SNRNP48: variants seen among roughly 807,000 people sequenced by gnomAD.
SNRNP48 encodes the protein small nuclear ribonucleoprotein U11/U12 subunit 48.
SNRNP48 carries 43 observed loss-of-function variants against 47.0 expected under a neutral mutation model. The ratio of observed to expected loss-of-function variants is 0.92; its 90% CI spans 0.72 to 1.18. The LOEUF is 1.18. Ranked by LOEUF, SNRNP48 falls within the 50% of genes most tolerant of loss-of-function variation. The pLI, the probability that SNRNP48 is intolerant of heterozygous loss-of-function variation, is 0.00. For synonymous variants in SNRNP48, 138 were observed against 144.0 expected, an observed-to-expected ratio of 0.96 and a Z score of 0.30; for missense variants, 396 against 422.2, an observed-to-expected ratio of 0.94 and a Z score of 0.54.
intron 6 of SNRNP48, among the ~76,000 whole-genome samples, chr6:7,604,569 C>T (rs984862752): frequency 6.6e-6 from 1 of 152,170 alleles, no homozygotes; most frequent in Admixed American, 6.5e-5. Flanking sequence ...GAAATGCAGT[C>T]AGGCCTGAAT....
At chr6:7,603,350 G>T (rs1760066319) in intron 6 of SNRNP48, among the ~76,000 whole-genome samples, 1 of 152,068 alleles carries the variant, frequency 6.6e-6, no homozygotes, top group Admixed American at 6.6e-5. Flanking sequence ...TGGCTCGTTA[G>T]AGTTGATGAA....
intron 6 of SNRNP48, among the ~76,000 whole-genome samples, chr6:7,604,552 G>T (rs1581839410): frequency 6.6e-6 from 1 of 152,148 alleles, no homozygotes; most frequent in Non-Finnish European, 1.5e-5. Flanking sequence ...TTTCTTTAAG[G>T]TGGGGAGAAA....
chr6:7,608,741 T>TGTATTACTGTTGAAAGTGGA, intron 8 of SNRNP48, 84 bp from the exon 9 acceptor site: 1 of 686,974 alleles, frequency 1.5e-6, no homozygotes, highest in Non-Finnish European at 2.3e-6. Flanking sequence ...TTGAAAGTGG[T>TGTATTACTGTTGAAAGTGGA]GTATTACTGT....
chr6:7,596,179 T>G (rs945187320), intron 4 of SNRNP48, among the ~76,000 whole-genome samples: 1 of 152,088 alleles, frequency 6.6e-6, no homozygotes, highest in African/African-American at 2.4e-5. Context: ...GCAGGAAGAA[T>G]TGCTTGAACC....
Position 7,611,410 on chromosome 6 carries a change from A to C in SNRNP48, c.*2537A>C, listed in dbSNP as rs1760232065. ...CTCACTATGTTCTCCAGCTGGTCTC[A>C]AGCTCCTGGCCTCGGCCTCCTAAAG... On this transcript the variant is annotated 3_prime_UTR_variant, in exon 9 of 9. Coordinates refer to ENST00000342415, the MANE Select transcript of SNRNP48 (RefSeq NM_152551.4). 1 of 152,166 alleles carries C rather than the reference A, an allele frequency of 6.6e-6. No individual in the cohort carries two copies. Among genetic ancestry groups the C allele is most frequent in the African/African-American group, 2.4e-5 (1 of 41,410 alleles). 9.4% of individuals were successfully genotyped at this position (152,166 alleles called of 1,614,324 possible). A position where few individuals can be genotyped will look rare whatever the true frequency, so the allele number is the denominator to read the frequency against.
chr6:7,594,052 T>C lies in SNRNP48; in HGVS notation c.271-47T>C, dbSNP rs747227726. 8.5e-6 allele frequency: 10 copies of C among 1,173,358 alleles called. No individual in the cohort carries two copies. In the Admixed American group the frequency reaches 2.9e-4, roughly 34 times the overall value. The allele number at this position is 1,173,358 out of a possible 1,614,324, so 72.7% of individuals were successfully genotyped here. A position where few individuals can be genotyped will look rare whatever the true frequency, so the allele number is the denominator to read the frequency against. The stretch of plus-strand genomic sequence containing the variant: ...CTATTGTTTAGGTCAAGTCTTAAAA[T>C]AGTCAATTATCTGATACTTAAGAAC... On this transcript the variant is annotated intron_variant, in intron 2 of 8. Coordinates refer to ENST00000342415, the MANE Select transcript of SNRNP48 (RefSeq NM_152551.4).
chr6:7,595,022 G>A lies in SNRNP48; in HGVS notation c.332-5G>A. 6.6e-7 allele frequency: 1 copy of A among 1,524,462 alleles called. No homozygotes were observed. The allele number at this position is 1,524,462 out of a possible 1,614,324, so 94.4% of individuals were successfully genotyped here. A position where few individuals can be genotyped will look rare whatever the true frequency, so the allele number is the denominator to read the frequency against. On this transcript the variant is annotated splice_region_variant and splice_polypyrimidine_tract_variant and intron_variant, in intron 3 of 8. Transcript: ENST00000342415. ...TGTATTTATGGATTTTTTTTTTTTT[G>A]ACAGATAAGGACTCACAATTCCAGA...
rs1387526052 is a variant in SNRNP48 at position 7,609,381 on chromosome 6, A to G, written c.*508A>G. 1 of 152,244 alleles carries G rather than the reference A, an allele frequency of 6.6e-6. No homozygotes were observed. The highest frequency in any genetic ancestry group is 2.4e-5 in the African/African-American group (1 of 41,456). 9.4% of individuals were successfully genotyped at this position (152,244 alleles called of 1,614,324 possible). ...AATTAAAATATGATGTAGTCATAGG[A>G]TAGATTATTGTATTGGAGTTAAAAG... On this transcript the variant is annotated 3_prime_UTR_variant, in exon 9 of 9. Transcript: ENST00000342415.
rs1760241996 is a variant in SNRNP48 at position 7,611,881 on chromosome 6, T to C, written c.*3008T>C. 6.6e-6 allele frequency: 1 copy of C among 152,242 alleles called. No homozygotes were observed. Among genetic ancestry groups the C allele is most frequent in the African/African-American group, 2.4e-5 (1 of 41,456 alleles). 9.4% of individuals were successfully genotyped at this position (152,242 alleles called of 1,614,324 possible). A position where few individuals can be genotyped will look rare whatever the true frequency, so the allele number is the denominator to read the frequency against. ...TTGCTTGAGTGTGTTTACAAGTCAATTTCCTTTTATGTAGCTTGCTTTTTC... is the reference window on the plus strand; with the variant it reads ...TTGCTTGAGTGTGTTTACAAGTCAACTTCCTTTTATGTAGCTTGCTTTTTC... On this transcript the variant is annotated 3_prime_UTR_variant, in exon 9 of 9. Coordinates refer to ENST00000342415, the MANE Select transcript of SNRNP48 (RefSeq NM_152551.4).
At chr6:7,599,783 T>A (rs754862147) in intron 4 of SNRNP48, 3 of 1,262,480 alleles carry the variant, frequency 2.4e-6, no homozygotes, top group Non-Finnish European at 3.1e-6. Flanking sequence ...ATTTCTAAAC[T>A]TTATCTTAAT....
intron 4 of SNRNP48, chr6:7,600,822 T>C (rs967668732): frequency 6.6e-6 from 1 of 152,236 alleles, no homozygotes; most frequent in Non-Finnish European, 1.5e-5. Flanking sequence ...CTTGCACAAG[T>C]GGGATATATT....
chr6:7,603,013 TG>T (rs1006887004), intron 6 of SNRNP48, among the ~76,000 whole-genome samples: 10 of 152,226 alleles, frequency 6.6e-5, no homozygotes, highest in African/African-American at 2.2e-4. Context: ...AGCATGAGTT[TG>T]GGTTTAGGTA....
At chr6:7,596,725 G>C (rs1372029169) in intron 4 of SNRNP48, among the ~76,000 whole-genome samples, 2 of 152,158 alleles carry the variant, frequency 1.3e-5, no homozygotes. Context: ...GGAGACAGTT[G>C]ACTCTCATTT....
At chr6:7,606,328 G>T (rs974950532) in intron 8 of SNRNP48, 133 bp downstream of exon 8, 2 of 902,118 alleles carry the variant, frequency 2.2e-6, no homozygotes, top group Non-Finnish European at 3.3e-6. Context: ...AACAATTGAC[G>T]ATGATTCTTA....
chr6:7,599,593 T>C, intron 4 of SNRNP48: 1 of 839,142 alleles, frequency 1.2e-6, no homozygotes, highest in Non-Finnish European at 1.6e-6. Flanking sequence ...TTTATCCTTT[T>C]TGTTGTCAGA....
intron 1 of SNRNP48, among the ~76,000 whole-genome samples, chr6:7,593,156 T>A (rs1004657766): frequency 1.3e-5 from 2 of 152,020 alleles, no homozygotes; most frequent in African/African-American, 4.8e-5. Context: ...TAAGCATATA[T>A]TAAACAGCAA....
chr6:7,608,788 C>T (rs1393621476), intron 8 of SNRNP48, 37 bp from the exon 9 acceptor site: 4 of 1,289,718 alleles, frequency 3.1e-6, no homozygotes, highest in South Asian at 2.8e-5. Context: ...AAATGTCCAT[C>T]ATTTATAACC....
chr6:7,606,057 T>C lies in SNRNP48; in HGVS notation c.833T>C (p.Val278Ala), dbSNP rs2113723483. The C allele has an allele frequency of 4.4e-6, 7 of 1,606,870 alleles. No homozygotes were observed. In the South Asian group the frequency reaches 7.8e-5, roughly 18 times the overall value. The part of the protein sequence containing the change: ...EKNEERRSAS[V>A]DSRQSGGSYL... Reference sequence around the variant, plus strand: ...AATGAAGAAAGGCGATCAGCTTCAGTAGATTCACGGCAGTCTGGTGGAAGC... The same window carrying C: ...AATGAAGAAAGGCGATCAGCTTCAGCAGATTCACGGCAGTCTGGTGGAAGC... The change falls in exon 8 of 9, where the codon GTA becomes GCA. Residue 278 changes from valine (V) to alanine (A), a missense_variant. Transcript: ENST00000342415.
intron 1 of SNRNP48, among the ~76,000 whole-genome samples, chr6:7,591,356 C>T (rs1181941430): frequency 2.0e-5 from 3 of 152,018 alleles, no homozygotes; most frequent in East Asian, 3.9e-4. Context: ...GGGGTATTTT[C>T]GGTGGAATGA....
Sources: gnomAD v4.1 joint callset for allele counts (sites outside exome capture counted in the v4.1 genomes callset) on GRCh38, gnomAD v4.1.1 for gene constraint, MANE v1.5 for transcripts, NCBI Gene and HGNC (gene_info 2026-07-23, HGNC 2026-07-21) for gene names.